Variants in KARS1 observed in about 807,000 individuals in gnomAD.
KARS1 encodes the protein lysyl-tRNA synthetase 1, also known as lysine--tRNA ligase.
A neutral mutation model predicts 63.9 loss-of-function variants in KARS1; 50 were observed. The ratio of observed to expected loss-of-function variants is 0.78; its 90% confidence interval spans 0.62 to 0.99. The LOEUF (loss-of-function observed/expected upper bound fraction) is 0.99. KARS1 is among the 50% of genes least tolerant of loss of function. The probability of loss-of-function intolerance (pLI) is 0.00; values close to 1 mark genes in which losing one functional copy is unlikely to be tolerated. For synonymous variants in KARS1, 320 were observed against 264.6 expected, an observed-to-expected ratio of 1.21 and a Z score of -2.03; for missense variants, 816 against 754.5, an observed-to-expected ratio of 1.08 and a Z score of -0.95.
chr16:75,641,994 C>A (rs1477787541), intron 1 of KARS1, among the ~76,000 whole-genome samples: 1 of 151,940 alleles, frequency 6.6e-6, no homozygotes, highest in African/African-American at 2.4e-5. Flanking sequence ...GGCATTAGGT[C>A]CCAACTAAAA....
intron 11 of KARS1, among the ~76,000 whole-genome samples, chr16:75,630,207 A>G (rs1477234301): frequency 6.6e-6 from 1 of 152,184 alleles, no homozygotes; most frequent in African/African-American, 2.4e-5. Context: ...CCACATGAAG[A>G]GGCCCTGGAG....
chr16:75,634,654 C>T (rs957358267), intron 6 of KARS1, among the ~76,000 whole-genome samples: 8 of 152,180 alleles, frequency 5.3e-5, no homozygotes, highest in Admixed American at 2.0e-4. Context: ...CGGCTCATGG[C>T]AAGCTCCGCC....
rs1229229865 is a variant in KARS1 at position 75,631,835 on chromosome 16, G to T, written c.936C>A (p.Ile312=). 6.2e-7 allele frequency: 1 copy of T among 1,613,762 alleles called. No individual in the cohort carries two copies. Among genetic ancestry groups the T allele is most frequent in the Non-Finnish European group, 8.5e-7 (1 of 1,180,026 alleles). ...LYHKMLVVGG[I]DRVYEIGRQF... is the part of the protein sequence containing the mutation. The stretch of plus-strand genomic sequence containing the variant: ...GGCGTCCAATTTCATAAACCCGGTC[G>T]ATGCCACCAACCACAAGCATCTAAC... Residue 312 remains isoleucine (I), a synonymous_variant, in exon 8 of 14, where the codon ATC becomes ATA. Transcript: ENST00000302445.
At chr16:75,644,577 T>C in intron 1 of KARS1, 2 of 648,638 alleles carry the variant, frequency 3.1e-6, no homozygotes, top group Non-Finnish European at 5.1e-6. Context: ...TTTAGTCCCA[T>C]TTAACTTAAG....
Position 75,636,475 on chromosome 16 carries a change from A to G in KARS1, c.461T>C (p.Leu154Ser). The part of the protein sequence containing the change: ...FYDLRGEGVK[L>S]QVMANSRNYK... ...ATACCTGGAATTGGCCATGACTTGCAACTTCACCCCCTCTCCTCGAAGATC... is the reference window on the plus strand; with the variant it reads ...ATACCTGGAATTGGCCATGACTTGCGACTTCACCCCCTCTCCTCGAAGATC... Residue 154 changes from leucine (L) to serine (S), a missense_variant, in exon 4 of 14, where the codon TTG (leucine) becomes TCG (serine). Transcript: ENST00000302445. 6.2e-7 allele frequency: 1 copy of G among 1,612,970 alleles called. No homozygotes were observed. The highest frequency in any genetic ancestry group is 8.5e-7 in the Non-Finnish European group (1 of 1,178,978).
chr16:75,637,172 A>G (rs1238398327), intron 3 of KARS1, among the ~76,000 whole-genome samples: 1 of 152,136 alleles, frequency 6.6e-6, no homozygotes, highest in African/African-American at 2.4e-5. Flanking sequence ...AAAAATAGAA[A>G]GCACAGCTAG....
rs1160207549 is a variant in KARS1, at chr16:75,627,915, T to C, written c.1774A>G (p.Thr592Ala). 2 of 1,602,736 alleles carry C rather than the reference T, an allele frequency of 1.2e-6. No homozygotes were observed. The highest frequency in any genetic ancestry group is 2.2e-5 in the South Asian group (2 of 90,826). The part of the protein sequence containing the change: ...VATTDTLEST[T>A]VGTSV The stretch of plus-strand genomic sequence containing the variant: ...ATTTTCTAGACAGAAGTGCCAACTG[T>C]TGTGCTTTCCAGTGTATCAGTGGTT... The change falls in exon 14 of 14, where the codon ACA becomes GCA. Residue 592 changes from threonine to alanine, a missense_variant. Physicochemically the swap from Thr to Ala is moderately conservative, Grantham distance 58. Transcript: ENST00000302445.
chr16:75,638,226 T>TA (rs925359859), intron 3 of KARS1, among the ~76,000 whole-genome samples: 12 of 152,224 alleles, frequency 7.9e-5, no homozygotes, highest in African/African-American at 2.9e-4. Context: ...CCTTTTTTTT[T>TA]TTTTATTTTA....
chr16:75,640,174 GA>G lies in KARS1; in HGVS notation c.388+9del. 6.2e-7 allele frequency: 1 copy of G among 1,613,172 alleles called. No individual in the cohort carries two copies. Among genetic ancestry groups the G allele is most frequent in the Non-Finnish European group, 8.5e-7 (1 of 1,179,186 alleles). ...TGGGAGTTCAGTGATTTGCCAGGGAGAGTTCCTACCTGCCACCTTTAAGGTG... is the reference window on the plus strand; with the variant it reads ...TGGGAGTTCAGTGATTTGCCAGGGAGGTTCCTACCTGCCACCTTTAAGGTG... On this transcript the variant is annotated intron_variant, in intron 3 of 13. Coordinates refer to ENST00000302445, the MANE Select transcript of KARS1 (RefSeq NM_005548.3).
chr16:75,631,321 G>A, intron 9 of KARS1, 68 bp from the exon 10 acceptor site: 1 of 1,576,486 alleles, frequency 6.3e-7, no homozygotes. Flanking sequence ...TACATAAAGA[G>A]AATAGTGTGG....
rs564131301 is a variant in KARS1 at position 75,643,672 on chromosome 16, C to G, written c.63-1949G>C. On this transcript the variant is annotated intron_variant, in intron 1 of 13. Coordinates refer to ENST00000302445, the MANE Select transcript of KARS1 (RefSeq NM_005548.3). ...GGGATTACAGGCGTGAGCCACCACGCCTGGCCGAATCTTTCATCTTGTAAA... is the reference window on the plus strand; with the variant it reads ...GGGATTACAGGCGTGAGCCACCACGGCTGGCCGAATCTTTCATCTTGTAAA... Among the ~76,000 whole-genome samples the G allele has an allele frequency of 3.3e-5, 5 of 152,258 alleles. No individual in the cohort carries two copies. The East Asian group carries it at 7.7e-4, about 23-fold the overall frequency.
intron 12 of KARS1, among the ~76,000 whole-genome samples, chr16:75,629,187 C>T (rs1259501985): frequency 6.6e-6 from 1 of 152,172 alleles, no homozygotes; most frequent in African/African-American, 2.4e-5. Flanking sequence ...ATTTTCAAGG[C>T]AAGCGTCACG....
rs6834 is a variant in KARS1 at position 75,627,905 on chromosome 16, G to C, written c.1784C>G (p.Thr595Ser). ...TDTLESTTVG[T>S]SV Reference sequence around the variant, plus strand: ...TGCAATTATTATTTTCTAGACAGAAGTGCCAACTGTTGTGCTTTCCAGTGT... The same window carrying C: ...TGCAATTATTATTTTCTAGACAGAACTGCCAACTGTTGTGCTTTCCAGTGT... The change falls in exon 14 of 14, where the codon ACT (threonine) becomes AGT (serine). Residue 595 changes from threonine (T) to serine (S), a missense_variant. Thr to Ser is a moderately conservative substitution (Grantham distance 58). Coordinates refer to ENST00000302445, the MANE Select transcript of KARS1 (RefSeq NM_005548.3). 84,997 of 1,578,048 alleles carry C rather than the reference G, an allele frequency of 0.054. 5,488 individuals carry two copies. Among genetic ancestry groups the C allele is most frequent in the African/African-American group, 0.33 (23,993 of 73,728 alleles).
At chr16:75,631,952 A>ATC (rs1327753135) in intron 7 of KARS1, 97 bp from the exon 8 acceptor site, 1 of 1,431,926 alleles carries the variant, frequency 7.0e-7, no homozygotes, top group Non-Finnish European at 9.7e-7. Flanking sequence ...CAATGGCAAG[A>ATC]TCTCAGCTCA....
intron 3 of KARS1, 140 bp from the exon 4 acceptor site, chr16:75,636,687 G>A: frequency 1.7e-6 from 1 of 580,940 alleles, no homozygotes; most frequent in Non-Finnish European, 3.1e-6. Flanking sequence ...AGGCTGGAGT[G>A]CAGTGGCACG....
At chr16:75,633,931 T>C (rs528518493) in intron 7 of KARS1, 1 of 479,670 alleles carries the variant, frequency 2.1e-6, no homozygotes, top group East Asian at 4.3e-5. Flanking sequence ...GGAACCAAAG[T>C]AGGTAAGGAG....
chr16:75,631,798 C>T lies in KARS1; in HGVS notation c.973G>A (p.Glu325Lys), dbSNP rs1188999803. 1.9e-6 allele frequency: 3 copies of T among 1,614,094 alleles called. No individual in the cohort carries two copies. Among genetic ancestry groups the T allele is most frequent in the Non-Finnish European group, 2.5e-6 (3 of 1,180,046 alleles). The change falls in exon 8 of 14, where the codon GAG becomes AAG. Residue 325 changes from glutamate to lysine, a missense_variant. Glu to Lys is a moderately conservative substitution (Grantham distance 56, BLOSUM62 1). Transcript: ENST00000302445. ...VYEIGRQFRN[E>K]GIDLTHNPEF... Reference sequence around the variant, plus strand: ...GGATTGTGCGTCAAATCAATCCCCTCATTCCGGAACTGGCGTCCAATTTCA... The same window carrying T: ...GGATTGTGCGTCAAATCAATCCCCTTATTCCGGAACTGGCGTCCAATTTCA...
intron 1 of KARS1, among the ~76,000 whole-genome samples, chr16:75,646,554 A>G (rs971911397): frequency 3.3e-5 from 5 of 151,588 alleles, no homozygotes; most frequent in Non-Finnish European, 7.4e-5. Context: ...AAAAAAAAAA[A>G]GAAACATCAT....
Position 75,628,619 on chromosome 16 carries a change from T to C in KARS1, c.1645A>G (p.Met549Val), listed in dbSNP as rs1330255397. The C allele has an allele frequency of 4.3e-6, 7 of 1,614,062 alleles. No homozygotes were observed. The highest frequency in any genetic ancestry group is 1.3e-5 in the African/African-American group (1 of 74,942). The stretch of plus-strand genomic sequence containing the variant: ...AACATGGCGACTCGATCAATGCCCA[T>C]GCCCCAGCCAGCTGTGGGGGGCAGC... Reference protein sequence around the residue: ...YGLPPTAGWGMGIDRVAMFLT... With the variant: ...YGLPPTAGWGVGIDRVAMFLT... The change falls in exon 13 of 14, where the codon ATG becomes GTG. Residue 549 changes from methionine to valine, a missense_variant. Coordinates refer to ENST00000302445, the MANE Select transcript of KARS1 (RefSeq NM_005548.3).
Sources: gnomAD v4.1 joint callset for allele counts (sites outside exome capture counted in the v4.1 genomes callset) on GRCh38, gnomAD v4.1.1 for gene constraint, MANE v1.5 for transcripts, NCBI Gene and HGNC (gene_info 2026-07-23, HGNC 2026-07-21) for gene names.